PI4K2B: variants seen among roughly 807,000 people sequenced by gnomAD.
PI4K2B encodes the protein phosphatidylinositol 4-kinase type 2-beta.
A neutral mutation model predicts 56.6 loss-of-function variants in PI4K2B; 46 were observed. The ratio of observed to expected loss-of-function variants is 0.81; its 90% CI spans 0.64 to 1.04. The LOEUF (loss-of-function observed/expected upper bound fraction) is 1.04. Ranked by LOEUF, PI4K2B falls within the 50% of genes least tolerant of loss-of-function variation. The pLI, the probability that PI4K2B is intolerant of heterozygous loss-of-function variation, is 0.00. For synonymous variants in PI4K2B, 211 were observed against 223.8 expected (o/e 0.94, Z 0.51); for missense variants, 556 against 607.7 (o/e 0.91, Z 0.89).
chr4:25,244,126 A>T (rs1258176323), intron 1 of PI4K2B, among the ~76,000 whole-genome samples: 1 of 152,184 alleles, frequency 6.6e-6, no homozygotes, highest in Admixed American at 6.5e-5. Flanking sequence ...AAACTTCCCC[A>T]GGTCTGCCTT....
chr4:25,235,274 G>GGATGGATTAAATGAGATGTTGTGCA (rs1238000514), intron 1 of PI4K2B, among the ~76,000 whole-genome samples: 1 of 152,206 alleles, frequency 6.6e-6, no homozygotes, highest in African/African-American at 2.4e-5. Context: ...CTGGTTGTGA[G>GGATGGATTAAATGAGATGTTGTGCA]GATGGATTAA....
chr4:25,244,830 C>T lies in PI4K2B; in HGVS notation c.269-7491C>T, dbSNP rs149580324. On this transcript the variant is annotated intron_variant, in intron 1 of 9. Coordinates refer to ENST00000264864, the MANE Select transcript of PI4K2B (RefSeq NM_018323.4). ...AAGAACCCGCAACGGTCCCTGGACCCTGCTGATTGGAATAGTTGTGCTTAG... is the reference window on the plus strand; with the variant it reads ...AAGAACCCGCAACGGTCCCTGGACCTTGCTGATTGGAATAGTTGTGCTTAG... Among the ~76,000 whole-genome samples the T allele has an allele frequency of 3.4e-3, 519 of 152,306 alleles. 5 individuals carry two copies. The highest frequency in any genetic ancestry group is 0.012 in the African/African-American group (490 of 41,550).
Position 25,252,462 on chromosome 4 carries a change from A to G in PI4K2B, c.410A>G (p.Lys137Arg). The change falls in exon 2 of 10, where the codon AAG (lysine) becomes AGG (arginine). Residue 137 changes from lysine (K) to arginine (R), a missense_variant. Lys to Arg is a conservative substitution (Grantham distance 26). Coordinates refer to ENST00000264864, the MANE Select transcript of PI4K2B (RefSeq NM_018323.4). ...GGTTCAAGTGGAAGTTACTTTGTGA[A>G]GGATCCTAAGAGGGTGAGAATTTCA... is the stretch of plus-strand genomic sequence containing the variant. ...SQGSSGSYFV[K>R]DPKRKIIGVF... 2 of 1,609,218 alleles carry G rather than the reference A, an allele frequency of 1.2e-6. No homozygotes were observed. Among genetic ancestry groups the G allele is most frequent in the Non-Finnish European group, 1.7e-6 (2 of 1,175,602 alleles).
chr4:25,240,121 A>G (rs1338842107), intron 1 of PI4K2B, among the ~76,000 whole-genome samples: 2 of 152,218 alleles, frequency 1.3e-5, no homozygotes, highest in East Asian at 3.9e-4. Flanking sequence ...CAGGACCTAG[A>G]AAGGGGAGAA....
chr4:25,261,661 C>T (rs528387189), intron 6 of PI4K2B, among the ~76,000 whole-genome samples: 7 of 152,024 alleles, frequency 4.6e-5, no homozygotes, highest in Admixed American at 3.3e-4. Context: ...AAGGAACAAA[C>T]GATACAATAG....
At chr4:25,252,703 C>A (rs1716109527) in intron 2 of PI4K2B, among the ~76,000 whole-genome samples, 1 of 152,156 alleles carries the variant, frequency 6.6e-6, no homozygotes, top group Non-Finnish European at 1.5e-5. Flanking sequence ...ACCTTGACCA[C>A]CTGGGCTCAG....
chr4:25,272,761 G>A lies in PI4K2B; in HGVS notation c.1272+3558G>A, dbSNP rs192948391. On this transcript the variant is annotated intron_variant, in intron 9 of 9. Transcript: ENST00000264864. ...CACACCTGTAATCCCAGTTTGGGAGGCCAAGGTGGGTGGATTGCTTGAGCC... is the reference window on the plus strand; with the variant it reads ...CACACCTGTAATCCCAGTTTGGGAGACCAAGGTGGGTGGATTGCTTGAGCC... 1.5e-3 allele frequency among the ~76,000 whole-genome samples: 221 copies of A among 152,276 alleles called. 2 individuals carry two copies. Among genetic ancestry groups the A allele is most frequent in the African/African-American group, 5.0e-3 (209 of 41,556 alleles).
At position 25,246,008 on chromosome 4, in the gene PI4K2B, GT is replaced by G. The variant is rs199857093; in HGVS notation, c.269-6312del. Among the ~76,000 whole-genome samples the G allele has an allele frequency of 2.0e-3, 307 of 152,238 alleles. 6 individuals are homozygous for G. The East Asian group carries it at 0.04, about 20-fold the overall frequency. On this transcript the variant is annotated intron_variant, in intron 1 of 9. Coordinates refer to ENST00000264864, the MANE Select transcript of PI4K2B (RefSeq NM_018323.4). ...GTGTTACAGTTCTTAAACGCAGTGT[GT>G]CCGGAGTTTGTTCCTTCTGATGTTC...
chr4:25,250,413 T>C (rs1716004596), intron 1 of PI4K2B: 4 of 151,732 alleles, frequency 2.6e-5, no homozygotes, highest in Non-Finnish European at 5.9e-5. Flanking sequence ...CACAGACACA[T>C]AGAGGGGAAC....
intron 1 of PI4K2B, among the ~76,000 whole-genome samples, chr4:25,248,968 A>G (rs1715914142): frequency 6.6e-6 from 1 of 151,956 alleles, no homozygotes; most frequent in Admixed American, 6.5e-5. Flanking sequence ...CGCCTTCCGC[A>G]GTGTTTGTGT....
chr4:25,271,975 C>G (rs1716914273), intron 9 of PI4K2B, among the ~76,000 whole-genome samples: 2 of 152,096 alleles, frequency 1.3e-5, no homozygotes, highest in African/African-American at 2.4e-5. Flanking sequence ...AACCCCATCT[C>G]TACAAAAAAA....
intron 1 of PI4K2B, among the ~76,000 whole-genome samples, chr4:25,234,722 A>C (rs952386311): frequency 1.3e-5 from 2 of 152,208 alleles, no homozygotes; most frequent in Non-Finnish European, 2.9e-5. Context: ...CACTGGGGAG[A>C]GGTTAACGCT....
Position 25,255,100 on chromosome 4 carries a change from G to A in PI4K2B, c.459G>A (p.Glu153=), listed in dbSNP as rs751745847. ...GTGTGTTTAAACCCAAATCAGAAGA[G>A]CCTTATGGTCAACTCAATCCAAAAT... ...IIGVFKPKSE[E]PYGQLNPKWT... Residue 153 remains glutamate (E), a synonymous_variant, in exon 3 of 10, where the codon GAG becomes GAA. Transcript: ENST00000264864. The A allele has an allele frequency of 8.7e-6, 14 of 1,613,764 alleles. No individual in the cohort carries two copies. In the Admixed American group the frequency reaches 2.2e-4, roughly 25 times the overall value.
At chr4:25,255,955 C>T (rs1481629498) in intron 3 of PI4K2B, among the ~76,000 whole-genome samples, 1 of 150,964 alleles carries the variant, frequency 6.6e-6, no homozygotes, top group East Asian at 2.0e-4. Context: ...GACAGGGTCT[C>T]GTGCCCAGGC....
intron 7 of PI4K2B, among the ~76,000 whole-genome samples, chr4:25,267,423 C>T (rs1355271953): frequency 6.6e-5 from 10 of 152,268 alleles, no homozygotes; most frequent in African/African-American, 1.7e-4. Flanking sequence ...GGCGCTGAGG[C>T]GCACTCCTGT....
At chr4:25,275,082 G>T (rs1010611988) in intron 9 of PI4K2B, among the ~76,000 whole-genome samples, 1 of 152,302 alleles carries the variant, frequency 6.6e-6, no homozygotes, top group South Asian at 2.1e-4. Context: ...GGGATTACAG[G>T]CATGAGCCAC....
rs2109086032 is a variant in PI4K2B at position 25,242,365 on chromosome 4, A to T, written c.268+7934A>T. On this transcript the variant is annotated intron_variant, in intron 1 of 9. Transcript: ENST00000264864. ...ACTAAACAGATGAGGGCTATCCCTA[A>T]ACCCCTGGGGCAAGACCTTCCACGT... Among the ~76,000 whole-genome samples, 2 of 152,366 alleles carry T rather than the reference A, an allele frequency of 1.3e-5. 1 individual carries two copies. The highest frequency in any genetic ancestry group is 6.8e-3 in the Middle Eastern group (2 of 294).
At position 25,268,541 on chromosome 4, in the gene PI4K2B, C is replaced by T; in HGVS notation, c.1177C>T (p.Gln393Ter). Residue 393 changes from glutamine to a stop codon, truncating the protein, a stop_gained, in exon 8 of 10, where the codon CAA becomes TAA. Coordinates refer to ENST00000264864, the MANE Select transcript of PI4K2B (RefSeq NM_018323.4). LOFTEE classifies it high-confidence loss of function. The part of the protein sequence containing the change: ...LPYISDMNFV[Q>*]DLCEDLYELF... ...ATATATTTCTGACATGAACTTTGTG[C>T]AAGATTTATGTGAAGATCTCTATGA... The T allele has an allele frequency of 6.3e-7, 1 of 1,592,052 alleles. No individual in the cohort carries two copies. Among genetic ancestry groups the T allele is most frequent in the South Asian group, 1.1e-5 (1 of 87,736 alleles).
At chr4:25,247,670 G>A (rs571871900) in intron 1 of PI4K2B, among the ~76,000 whole-genome samples, 2 of 152,288 alleles carry the variant, frequency 1.3e-5, no homozygotes, top group African/African-American at 4.8e-5. Context: ...AAAGCCCTGA[G>A]GCTGGGTTCA....
Sources: gnomAD v4.1 joint callset for allele counts (sites outside exome capture counted in the v4.1 genomes callset) on GRCh38, gnomAD v4.1.1 for gene constraint, MANE v1.5 for transcripts, NCBI Gene and HGNC (gene_info 2026-07-23, HGNC 2026-07-21) for gene names.